DDX42: variants seen among roughly 807,000 people sequenced by gnomAD.
DDX42 encodes DEAD-box helicase 42.
In DDX42, 22 loss-of-function variants were observed where a neutral mutation model predicts 101.5. That is an observed-to-expected ratio of 0.22 (90% confidence interval 0.15 to 0.31). DDX42 has a LOEUF of 0.31. DDX42 is among the 10% of genes least tolerant of loss of function. The pLI, the probability that DDX42 is intolerant of heterozygous loss-of-function variation, is 1.00. For synonymous variants in DDX42, 402 were observed against 401.2 expected (o/e 1.00, Z -0.02); for missense variants, 849 against 1,199.9 (o/e 0.71, Z 4.32).
chr17:63,776,180 A>C (rs1036310353), intron 1 of DDX42: 1 of 152,258 alleles, frequency 6.6e-6, no homozygotes, highest in Non-Finnish European at 1.5e-5. Context: ...TTAGTCCACT[A>C]TATTTAAAGT....
chr17:63,806,360 T>C, intron 7 of DDX42, 175 bp from the exon 8 acceptor site: 1 of 478,978 alleles, frequency 2.1e-6, no homozygotes, highest in Non-Finnish European at 3.4e-6. Flanking sequence ...TAATATGAGG[T>C]TTATATTTGT....
At chr17:63,808,301 G>C (rs1307432217) in intron 9 of DDX42, among the ~76,000 whole-genome samples, 1 of 152,128 alleles carries the variant, frequency 6.6e-6, no homozygotes, top group African/African-American at 2.4e-5. Context: ...CCTCAGCCGA[G>C]AGGCTGGGAT....
At chr17:63,785,688 A>G (rs1464991497) in intron 1 of DDX42, among the ~76,000 whole-genome samples, 4 of 152,172 alleles carry the variant, frequency 2.6e-5, no homozygotes, top group Admixed American at 6.5e-5. Context: ...TGAATGCACA[A>G]GAAATTTCTT....
At chr17:63,810,287 A>C (rs569145990) in intron 11 of DDX42, 2 of 176,302 alleles carry the variant, frequency 1.1e-5, no homozygotes, top group South Asian at 1.7e-4. Flanking sequence ...TTTTTAGTAG[A>C]GATAGCTGTG....
intron 1 of DDX42, among the ~76,000 whole-genome samples, chr17:63,780,690 G>A (rs773562258): frequency 6.6e-6 from 1 of 152,144 alleles, no homozygotes; most frequent in African/African-American, 2.4e-5. Context: ...TTTCCAACTT[G>A]CTAAGTCTTG....
chr17:63,786,914 G>T, intron 1 of DDX42, 120 bp from the exon 2 acceptor site: 1 of 918,730 alleles, frequency 1.1e-6, no homozygotes, highest in Non-Finnish European at 1.7e-6. Context: ...CTGACCTCAT[G>T]GTCCACCTGC....
chr17:63,788,426 C>T (rs1403804388), intron 2 of DDX42, among the ~76,000 whole-genome samples: 4 of 151,184 alleles, frequency 2.6e-5, no homozygotes, highest in Middle Eastern at 6.3e-3. Context: ...CCTGCCTCAG[C>T]CTCCCAAGTA....
chr17:63,803,368 C>A lies in DDX42; in HGVS notation c.622-1703C>A, dbSNP rs371749060. 4.3e-4 allele frequency among the ~76,000 whole-genome samples: 66 copies of A among 151,994 alleles called. 1 individual carries two copies. In the South Asian group the frequency reaches 0.013, roughly 31 times the overall value. On this transcript the variant is annotated intron_variant, in intron 6 of 17. Transcript: ENST00000389924. ...CTTTGGGAGGCCAAGGTGGGCAGATCACTTGAGGGCAGGAGTTTGAGACCA... is the reference window on the plus strand; with the variant it reads ...CTTTGGGAGGCCAAGGTGGGCAGATAACTTGAGGGCAGGAGTTTGAGACCA...
intron 1 of DDX42, among the ~76,000 whole-genome samples, chr17:63,781,983 C>G (rs1052214878): frequency 6.6e-6 from 1 of 151,418 alleles, no homozygotes; most frequent in Non-Finnish European, 1.5e-5. Context: ...GCACTCCAGC[C>G]TGGGCGACAG....
chr17:63,786,567 G>T (rs2039549698), intron 1 of DDX42, among the ~76,000 whole-genome samples: 1 of 152,186 alleles, frequency 6.6e-6, no homozygotes, highest in Admixed American at 6.5e-5. Flanking sequence ...TGGCATTACT[G>T]GCCTGGGCCA....
intron 14 of DDX42, 130 bp downstream of exon 14, chr17:63,812,338 AAC>A: frequency 8.6e-7 from 1 of 1,158,440 alleles, no homozygotes; most frequent in Non-Finnish European, 1.2e-6. Flanking sequence ...TCCCCTCCCA[AAC>A]CCCCAAGGAA....
rs1168237822 is a variant in DDX42, at chr17:63,774,216, TGGCGGTGGCGGC to T, written c.-168_-157del. ...ACGGGCCGTGAGGCGGTGGCGGTGG[TGGCGGTGGCGGC>T]GGCGGTGGTGGTGGTGGCGGCGGCG... On this transcript the variant is annotated 5_prime_UTR_variant, in exon 1 of 18. Transcript: ENST00000389924. 3 of 217,204 alleles carry T rather than the reference TGGCGGTGGCGGC, an allele frequency of 1.4e-5. No individual in the cohort carries two copies. Among genetic ancestry groups the T allele is most frequent in the East Asian group, 8.2e-5 (1 of 12,256 alleles). 13.5% of individuals were successfully genotyped at this position (217,204 alleles called of 1,614,324 possible). A position where few individuals can be genotyped will look rare whatever the true frequency, so the allele number is the denominator to read the frequency against.
At chr17:63,785,095 G>A (rs986569843) in intron 1 of DDX42, among the ~76,000 whole-genome samples, 6 of 152,150 alleles carry the variant, frequency 3.9e-5, no homozygotes, top group Middle Eastern at 3.2e-3. Context: ...TCTGGGAGAG[G>A]AAATTTCAGG....
chr17:63,808,410 G>A (rs1053454792), intron 9 of DDX42, among the ~76,000 whole-genome samples: 3 of 152,144 alleles, frequency 2.0e-5, no homozygotes, highest in African/African-American at 4.8e-5. Context: ...CTGACCTCAA[G>A]TGATCTGCTT....
intron 2 of DDX42, among the ~76,000 whole-genome samples, chr17:63,788,961 C>T (rs2039585334): frequency 1.3e-5 from 2 of 152,074 alleles, no homozygotes; most frequent in African/African-American, 4.8e-5. Context: ...GTGGTGCGAT[C>T]AAGGCTCACT....
chr17:63,792,310 C>T (rs2039637896), intron 2 of DDX42, 102 bp from the exon 3 acceptor site: 1 of 1,289,022 alleles, frequency 7.8e-7, no homozygotes, highest in South Asian at 1.5e-5. Flanking sequence ...TGCATTACAT[C>T]TCCTAATAAT....
At chr17:63,780,045 C>G (rs2039467784) in intron 1 of DDX42, among the ~76,000 whole-genome samples, 1 of 152,090 alleles carries the variant, frequency 6.6e-6, no homozygotes, top group Non-Finnish European at 1.5e-5. Flanking sequence ...GCCTGTAATC[C>G]CAGCACTTTG....
intron 1 of DDX42, among the ~76,000 whole-genome samples, chr17:63,783,162 C>A (rs933180655): frequency 7.2e-5 from 11 of 152,122 alleles, no homozygotes; most frequent in Admixed American, 7.2e-4. Context: ...TCTGTTAGAA[C>A]GCATCATGTT....
chr17:63,814,010 T>C (rs2039944712), intron 15 of DDX42, among the ~76,000 whole-genome samples: 1 of 152,124 alleles, frequency 6.6e-6, no homozygotes, highest in Non-Finnish European at 1.5e-5. Flanking sequence ...TGGCCAATTT[T>C]TGTAATTTTA....
Sources: gnomAD v4.1 joint callset for allele counts (sites outside exome capture counted in the v4.1 genomes callset) on GRCh38, gnomAD v4.1.1 for gene constraint, MANE v1.5 for transcripts, NCBI Gene and HGNC (gene_info 2026-07-23, HGNC 2026-07-21) for gene names.